KIFAP3: variants seen among roughly 807,000 people sequenced by gnomAD.
The protein encoded by KIFAP3 is kinesin-associated protein 3.
A neutral mutation model predicts 106.5 loss-of-function variants in KIFAP3; 68 were observed. The observed-to-expected ratio is 0.64, with a 90% confidence interval of 0.53 to 0.78. The LOEUF (loss-of-function observed/expected upper bound fraction) is 0.78. KIFAP3 is among the 30% of genes least tolerant of loss of function. The pLI, the probability that KIFAP3 is intolerant of heterozygous loss-of-function variation, is 0.00. For missense variants in KIFAP3, 780 were observed against 941.8 expected (o/e 0.83, Z 2.25); for synonymous variants, 320 against 311.5 (o/e 1.03, Z -0.29).
intron 9 of KIFAP3, among the ~76,000 whole-genome samples, chr1:170,020,374 G>GT (rs1668747475): frequency 6.6e-6 from 1 of 152,204 alleles, no homozygotes; most frequent in African/African-American, 2.4e-5. Flanking sequence ...AGAGAAAGAG[G>GT]TATCAATGAA....
chr1:170,029,501 A>G (rs905344930), intron 8 of KIFAP3, among the ~76,000 whole-genome samples: 3 of 152,084 alleles, frequency 2.0e-5, no homozygotes, highest in African/African-American at 7.2e-5. Context: ...ATGCCATCAA[A>G]GAAGTGCTTA....
intron 11 of KIFAP3, among the ~76,000 whole-genome samples, chr1:169,986,212 T>C (rs1666822433): frequency 1.3e-5 from 2 of 151,944 alleles, no homozygotes. Flanking sequence ...AGATGACTTC[T>C]GCATTTCAAA....
chr1:170,034,614 T>C, intron 6 of KIFAP3, 118 bp from the exon 7 acceptor site: 1 of 480,300 alleles, frequency 2.1e-6, no homozygotes, highest in Non-Finnish European at 3.6e-6. Flanking sequence ...ATACATATTT[T>C]AATAAATGAA....
Position 170,005,515 on chromosome 1 carries a change from C to T in KIFAP3, c.1183+10947G>A, listed in dbSNP as rs373754964. 1.4e-3 allele frequency among the ~76,000 whole-genome samples: 212 copies of T among 151,846 alleles called. 4 individuals are homozygous for T. In the East Asian group the frequency reaches 0.034, roughly 24 times the overall value. On this transcript the variant is annotated intron_variant, in intron 10 of 19. Transcript: ENST00000361580. ...AATGTGGCACATATACACCATGGAACACTATGCAGCCATAAAAAATGATGA... is the reference window on the plus strand; with the variant it reads ...AATGTGGCACATATACACCATGGAATACTATGCAGCCATAAAAAATGATGA...
chr1:170,042,641 T>C (rs1013589209), intron 3 of KIFAP3, among the ~76,000 whole-genome samples: 2 of 152,224 alleles, frequency 1.3e-5, no homozygotes, highest in African/African-American at 4.8e-5. Context: ...CATCTTGTTT[T>C]ATGTCCTTGA....
intron 1 of KIFAP3, among the ~76,000 whole-genome samples, chr1:170,080,002 A>G (rs1370373830): frequency 2.0e-5 from 3 of 152,080 alleles, no homozygotes; most frequent in South Asian, 2.1e-4. Flanking sequence ...GAAAAACCAT[A>G]TAGATTGGAA....
chr1:170,081,556 G>A (rs1260336383), intron 1 of KIFAP3, among the ~76,000 whole-genome samples: 2 of 152,066 alleles, frequency 1.3e-5, no homozygotes, highest in Non-Finnish European at 2.9e-5. Flanking sequence ...GCTGTTACAG[G>A]CCATCCACAC....
chr1:170,012,921 C>A (rs932085578), intron 10 of KIFAP3, among the ~76,000 whole-genome samples: 2 of 152,068 alleles, frequency 1.3e-5, no homozygotes, highest in Admixed American at 1.3e-4. Context: ...GAACACTATG[C>A]GGAAAATGCC....
chr1:170,078,202 C>T (rs1230468325), upstream of KIFAP3, among the ~76,000 whole-genome samples: 1 of 151,880 alleles, frequency 6.6e-6, no homozygotes, highest in Admixed American at 6.6e-5. Flanking sequence ...CTTTCCAGCA[C>T]TTGGTATTTT....
intron 17 of KIFAP3, among the ~76,000 whole-genome samples, chr1:169,968,596 T>C (rs1665750220): frequency 6.6e-6 from 1 of 151,906 alleles, no homozygotes; most frequent in South Asian, 2.1e-4. Context: ...ACTTTTTATA[T>C]CTTAAAAAAT....
In KIFAP3 at chr1:169,971,175, C is replaced by CAGA. The variant is rs201472041; in HGVS notation, c.1983+1335_1983+1337dup. Among the ~76,000 whole-genome samples, 454 of 152,112 alleles carry CAGA rather than the reference C, an allele frequency of 3.0e-3. 15 individuals carry two copies. The South Asian group carries it at 0.057, about 19-fold the overall frequency. On this transcript the variant is annotated intron_variant, in intron 17 of 19. Coordinates refer to ENST00000361580, the MANE Select transcript of KIFAP3 (RefSeq NM_014970.4). ...TTATCTTCTAGTTACCTTTCCTAGACAGAAGGTAGATAAAAAGTATGCTAA... is the reference window on the plus strand; with the variant it reads ...TTATCTTCTAGTTACCTTTCCTAGACAGAAGAAGGTAGATAAAAAGTATGCTAA...
At chr1:170,060,169 C>A (rs1671062928) in intron 1 of KIFAP3, among the ~76,000 whole-genome samples, 1 of 151,930 alleles carries the variant, frequency 6.6e-6, no homozygotes, top group Admixed American at 6.6e-5. Flanking sequence ...CTGGCCAGGG[C>A]AATCAGGAAG....
intron 1 of KIFAP3, among the ~76,000 whole-genome samples, chr1:170,058,455 G>A (rs1670964920): frequency 6.6e-6 from 1 of 151,994 alleles, no homozygotes; most frequent in Admixed American, 6.6e-5. Flanking sequence ...ATATATCAGT[G>A]TCCACAATTC....
intron 10 of KIFAP3, among the ~76,000 whole-genome samples, chr1:169,998,395 T>TACAC (rs1470341374): frequency 3.4e-4 from 28 of 81,340 alleles, no homozygotes; most frequent in African/African-American, 1.2e-3. Context: ...TATATATATA[T>TACAC]ATATACACAC....
At chr1:170,017,616 T>C (rs902250331) in intron 9 of KIFAP3, among the ~76,000 whole-genome samples, 2 of 152,212 alleles carry the variant, frequency 1.3e-5, no homozygotes, top group African/African-American at 4.8e-5. Context: ...TAAAGGCTTT[T>C]AATGCTGTAC....
chr1:170,084,839 C>T (rs1268723641), intron 1 of KIFAP3, among the ~76,000 whole-genome samples: 1 of 152,092 alleles, frequency 6.6e-6, no homozygotes, highest in African/African-American at 2.4e-5. Context: ...GGCATGAGGA[C>T]CCATTGAAGA....
At chr1:170,007,313 G>C (rs1007777074) in intron 10 of KIFAP3, among the ~76,000 whole-genome samples, 5 of 151,786 alleles carry the variant, frequency 3.3e-5, no homozygotes, top group African/African-American at 1.2e-4. Flanking sequence ...GGGAGACAGA[G>C]AGGGAGATGG....
chr1:169,993,535 T>G (rs113991998), intron 10 of KIFAP3, among the ~76,000 whole-genome samples: 1 of 131,020 alleles, frequency 7.6e-6, no homozygotes, highest in East Asian at 2.3e-4. Context: ...TAATCAAAGA[T>G]AGAAATTACT....
intron 17 of KIFAP3, among the ~76,000 whole-genome samples, chr1:169,966,157 C>T (rs1296138010): frequency 1.3e-5 from 2 of 151,834 alleles, no homozygotes; most frequent in African/African-American, 2.4e-5. Context: ...ATCTCTACGA[C>T]TAACATACTA....
Sources: allele counts gnomAD v4.1 joint callset (sites outside exome capture counted in the v4.1 genomes callset), GRCh38; gene constraint gnomAD v4.1.1; transcripts MANE v1.5; gene names NCBI Gene and HGNC (gene_info 2026-07-23, HGNC 2026-07-21).